The following ZBTB20 variants were observed in gnomAD, a reference collection of about 807,000 sequenced individuals.
The protein encoded by ZBTB20 is zinc finger and BTB domain containing 20, also known as zinc finger and BTB domain-containing protein 20.
Under a neutral mutation model 56.9 loss-of-function variants are expected in ZBTB20, and 9 were observed. That is an observed-to-expected ratio of 0.16 (90% CI 0.10 to 0.28). The LOEUF (loss-of-function observed/expected upper bound fraction) is 0.28, where lower values mean the gene tolerates loss of function less well. Among genes scored for constraint, ZBTB20 ranks in the 10% least tolerant of loss-of-function variants. ZBTB20 has a pLI of 1.00. For missense variants in ZBTB20, 655 were observed against 1,003.0 expected, an observed-to-expected ratio of 0.65 and a Z score of 4.69; for synonymous variants, 417 against 420.7, an observed-to-expected ratio of 0.99 and a Z score of 0.11.
At chr3:114,363,636 T>G (rs905699374) in intron 10 of ZBTB20, among the ~76,000 whole-genome samples, 4 of 152,144 alleles carry the variant, frequency 2.6e-5, no homozygotes, top group Non-Finnish European at 4.4e-5. Context: ...AAATAGAATA[T>G]GAGGCACACA....
chr3:114,540,855 GT>G (rs1013591248), intron 6 of ZBTB20, among the ~76,000 whole-genome samples: 21 of 151,940 alleles, frequency 1.4e-4, no homozygotes, highest in African/African-American at 4.8e-4. Context: ...AATTCCTTTA[GT>G]TTTTATGTCA....
chr3:114,863,660 T>C (rs1177205599), intron 4 of ZBTB20, among the ~76,000 whole-genome samples: 1 of 152,098 alleles, frequency 6.6e-6, no homozygotes. Flanking sequence ...AAAGTATAGC[T>C]TGTTGAGGGG....
At chr3:114,501,787 C>T (rs1223162694) in intron 6 of ZBTB20, among the ~76,000 whole-genome samples, 1 of 147,604 alleles carries the variant, frequency 6.8e-6, no homozygotes, top group Non-Finnish European at 1.5e-5. Context: ...TGGCTCACTG[C>T]AACCTCTGCC....
intron 2 of ZBTB20, among the ~76,000 whole-genome samples, chr3:114,992,490 TA>T (rs1441792515): frequency 2.6e-5 from 4 of 151,864 alleles, no homozygotes; most frequent in African/African-American, 9.7e-5. Flanking sequence ...ATGAAAGCTA[TA>T]AAGGGAAATC....
rs944088408 is a variant in ZBTB20 at position 114,327,647 on chromosome 3, G to A, written c.*11358C>T. On this transcript the variant is annotated 3_prime_UTR_variant, in exon 12 of 12. Transcript: ENST00000675478. Reference sequence around the variant, plus strand: ...ATTGTTCTCTATGGTGTGAGTTGATGTTATAAACTGGTTTGATTAAGATAA... The same window carrying A: ...ATTGTTCTCTATGGTGTGAGTTGATATTATAAACTGGTTTGATTAAGATAA... 1 of 152,110 alleles carries A rather than the reference G, an allele frequency of 6.6e-6. No homozygotes were observed. Among genetic ancestry groups the A allele is most frequent in the Non-Finnish European group, 1.5e-5 (1 of 68,010 alleles). 9.4% of individuals were successfully genotyped at this position (152,110 alleles called of 1,614,324 possible). A position where few individuals can be genotyped will look rare whatever the true frequency, so the allele number is the denominator to read the frequency against.
At chr3:114,709,122 G>A (rs1166491621) in intron 5 of ZBTB20, among the ~76,000 whole-genome samples, 9 of 151,940 alleles carry the variant, frequency 5.9e-5, no homozygotes, top group African/African-American at 2.2e-4. Context: ...TTAAATCTGT[G>A]GTTTTAATCT....
chr3:115,044,313 A>G (rs1432268275), intron 2 of ZBTB20, among the ~76,000 whole-genome samples: 1 of 152,206 alleles, frequency 6.6e-6, no homozygotes, highest in African/African-American at 2.4e-5. Flanking sequence ...CGAGAAAAAC[A>G]AAACAAAACA....
At chr3:114,602,547 T>C (rs1444738839) in intron 6 of ZBTB20, among the ~76,000 whole-genome samples, 5 of 151,972 alleles carry the variant, frequency 3.3e-5, no homozygotes, top group African/African-American at 9.7e-5. Flanking sequence ...TTTGTTTTTA[T>C]GTATGTATTT....
At chr3:114,752,693 A>C (rs564765562) in intron 5 of ZBTB20, among the ~76,000 whole-genome samples, 10 of 152,326 alleles carry the variant, frequency 6.6e-5, no homozygotes, top group Non-Finnish European at 1.5e-4. Context: ...GTTAAAACAT[A>C]ACTCCTGCTG....
intron 1 of ZBTB20, among the ~76,000 whole-genome samples, chr3:115,091,689 T>C (rs1240061131): frequency 1.3e-5 from 2 of 150,154 alleles, no homozygotes; most frequent in Non-Finnish European, 3.0e-5. Flanking sequence ...TATATATATA[T>C]ATAACACACA....
At chr3:114,742,755 A>G (rs1443169870) in intron 5 of ZBTB20, among the ~76,000 whole-genome samples, 1 of 152,158 alleles carries the variant, frequency 6.6e-6, no homozygotes, top group African/African-American at 2.4e-5. Context: ...AGCACCTGGC[A>G]AGCTTTTAAA....
At chr3:114,596,721 A>C (rs1008403121) in intron 6 of ZBTB20, among the ~76,000 whole-genome samples, 1 of 152,178 alleles carries the variant, frequency 6.6e-6, no homozygotes, top group Non-Finnish European at 1.5e-5. Context: ...AGAGAGAGGA[A>C]GAGCAAGAGG....
At chr3:114,573,809 T>A (rs2053709308) in intron 6 of ZBTB20, among the ~76,000 whole-genome samples, 1 of 152,170 alleles carries the variant, frequency 6.6e-6, no homozygotes, top group Non-Finnish European at 1.5e-5. Context: ...TATTACCAAA[T>A]TTGAGATTCA....
chr3:114,501,696 GT>G (rs1367161764), intron 6 of ZBTB20, among the ~76,000 whole-genome samples: 2 of 134,372 alleles, frequency 1.5e-5, no homozygotes, highest in Non-Finnish European at 3.2e-5. Context: ...ATTGTGCTTT[GT>G]TTTTTTTTCT....
At chr3:114,716,365 A>G (rs1233175460) in intron 5 of ZBTB20, among the ~76,000 whole-genome samples, 3 of 152,178 alleles carry the variant, frequency 2.0e-5, no homozygotes. Context: ...CCAGAGGACC[A>G]GCGATATTAT....
chr3:115,119,111 GGTTA>G (rs1227023727), intron 1 of ZBTB20, among the ~76,000 whole-genome samples: 1 of 152,006 alleles, frequency 6.6e-6, no homozygotes, highest in Non-Finnish European at 1.5e-5. Context: ...GAGAATAGTT[GGTTA>G]ATCACTTAGA....
chr3:114,352,922 G>A (rs2080829416), intron 10 of ZBTB20, among the ~76,000 whole-genome samples: 1 of 152,214 alleles, frequency 6.6e-6, no homozygotes, highest in South Asian at 2.1e-4. Flanking sequence ...CAGGAGGAAG[G>A]CAACAGCTAT....
At chr3:114,656,927 G>A (rs1348910757) in intron 6 of ZBTB20, among the ~76,000 whole-genome samples, 1 of 152,056 alleles carries the variant, frequency 6.6e-6, no homozygotes, top group Non-Finnish European at 1.5e-5. Flanking sequence ...ATAGGCGTGA[G>A]CTACCGCACC....
At chr3:114,698,892 C>T (rs553292479) in intron 5 of ZBTB20, among the ~76,000 whole-genome samples, 1 of 152,172 alleles carries the variant, frequency 6.6e-6, no homozygotes, top group South Asian at 2.1e-4. Context: ...GGCACATTTT[C>T]TATACTCAGC....
Sources: gnomAD v4.1 joint callset for allele counts (sites outside exome capture counted in the v4.1 genomes callset) on GRCh38, gnomAD v4.1.1 for gene constraint, MANE v1.5 for transcripts, NCBI Gene and HGNC (gene_info 2026-07-23, HGNC 2026-07-21) for gene names.